Variants in GPR85 observed in about 807,000 individuals in gnomAD.
GPR85 encodes probable G protein-coupled receptor 85.
Under a neutral mutation model 21.3 loss-of-function variants are expected in GPR85, and 7 were observed. The observed-to-expected ratio is 0.33, with a 90% CI of 0.19 to 0.62. The LOEUF (loss-of-function observed/expected upper bound fraction) is 0.62, where lower values mean the gene tolerates loss of function less well. Among genes scored for constraint, GPR85 ranks in the 20% least tolerant of loss-of-function variants. The pLI, the probability that GPR85 is intolerant of heterozygous loss-of-function variation, is 0.80. For missense variants in GPR85, 299 were observed against 443.8 expected (o/e 0.67, Z 2.93); for synonymous variants, 167 against 166.1 (o/e 1.01, Z -0.04).
chr7:113,083,713 A>C lies in GPR85; in HGVS notation c.1009T>G (p.Phe337Val). 6.2e-7 allele frequency: 1 copy of C among 1,614,200 alleles called. No individual in the cohort carries two copies. The highest frequency in any genetic ancestry group is 2.2e-5 in the East Asian group (1 of 44,874). ...MSFAQAGINP[F>V]VCIFSNRELR... The stretch of plus-strand genomic sequence containing the variant: ...TCCCTGTTTGAGAAAATGCAGACAA[A>C]AGGATTGATTCCTGCTTGGGCAAAA... Residue 337 changes from phenylalanine to valine, a missense_variant, in exon 3 of 3, where the codon TTT becomes GTT. Transcript: ENST00000424100. This position sits in a 1 kb window ranked among gnomAD's most constrained non-coding sequence, Gnocchi z 4.4.
chr7:113,086,838 T>C, upstream of GPR85, among the ~76,000 whole-genome samples: 1 of 152,158 alleles, frequency 6.6e-6, no homozygotes. Flanking sequence ...ACAGTGCCCG[T>C]GACGCCCGCC....
intron 2 of GPR85, 85 bp from the exon 3 acceptor site, chr7:113,084,976 T>G (rs1375315107): frequency 5.3e-6 from 2 of 374,310 alleles, no homozygotes; most frequent in African/African-American, 4.2e-5. Context: ...TGTTCACTTA[T>G]GGGGAAGCAA....
At chr7:113,085,861 C>T (rs1794258217) in intron 2 of GPR85, 131 bp downstream of exon 2, 1 of 152,392 alleles carries the variant, frequency 6.6e-6, no homozygotes, top group East Asian at 1.9e-4. Flanking sequence ...TTTAATTTCC[C>T]CACCGGTACA....
In GPR85 at chr7:113,083,605, T is replaced by G; in HGVS notation, c.*4A>C. The G allele has an allele frequency of 6.2e-7, 1 of 1,605,442 alleles. No homozygotes were observed. The highest frequency in any genetic ancestry group is 1.1e-5 in the South Asian group (1 of 89,622). On this transcript the variant is annotated 3_prime_UTR_variant, in exon 3 of 3. Transcript: ENST00000424100. The surrounding 1 kb of genome is among the most constrained non-coding windows in gnomAD (Gnocchi z 4.4). ...CACAAGGCTAAAGATTTACAGATGCTCCCTCATATAACACAGTAAGGTTCC... is the reference window on the plus strand; with the variant it reads ...CACAAGGCTAAAGATTTACAGATGCGCCCTCATATAACACAGTAAGGTTCC...
Position 113,083,579 on chromosome 7 carries a change from T to C in GPR85, c.*30A>G. ...ATTGCTCAGCAGAGAAGGTTAGTTTTCACAAGGCTAAAGATTTACAGATGC... is the reference window on the plus strand; with the variant it reads ...ATTGCTCAGCAGAGAAGGTTAGTTTCCACAAGGCTAAAGATTTACAGATGC... On this transcript the variant is annotated 3_prime_UTR_variant, in exon 3 of 3. Transcript: ENST00000424100. This position sits in a 1 kb window ranked among gnomAD's most constrained non-coding sequence, Gnocchi z 4.4. 6.3e-7 allele frequency: 1 copy of C among 1,575,244 alleles called. No individual in the cohort carries two copies. The highest frequency in any genetic ancestry group is 8.6e-7 in the Non-Finnish European group (1 of 1,161,142).
Position 113,083,452 on chromosome 7 carries a change from A to G in GPR85, c.*157T>C. On this transcript the variant is annotated 3_prime_UTR_variant, in exon 3 of 3. Coordinates refer to ENST00000424100, the MANE Select transcript of GPR85 (RefSeq NM_001146267.2). This position sits in a 1 kb window ranked among gnomAD's most constrained non-coding sequence, Gnocchi z 4.4. Reference sequence around the variant, plus strand: ...GGATCACTCTGAGATTTAAAATAGGATTATAGGTGAACTATTGCAAAGACT... The same window carrying G: ...GGATCACTCTGAGATTTAAAATAGGGTTATAGGTGAACTATTGCAAAGACT... The G allele has an allele frequency of 1.4e-6, 1 of 695,672 alleles. No homozygotes were observed. The highest frequency in any genetic ancestry group is 2.5e-5 in the East Asian group (1 of 39,490). 43.1% of individuals were successfully genotyped at this position (695,672 alleles called of 1,614,324 possible). A position where few individuals can be genotyped will look rare whatever the true frequency, so the allele number is the denominator to read the frequency against.
Position 113,084,728 on chromosome 7 carries a change from A to T in GPR85, c.-7T>A. 3 of 1,605,188 alleles carry T rather than the reference A, an allele frequency of 1.9e-6. No homozygotes were observed. Among genetic ancestry groups the T allele is most frequent in the Non-Finnish European group, 2.6e-6 (3 of 1,174,380 alleles). On this transcript the variant is annotated 5_prime_UTR_variant, in exon 3 of 3. Transcript: ENST00000424100. The stretch of plus-strand genomic sequence containing the variant: ...CATGGCTATAGTTCGCCATAGATGG[A>T]TGGAGGATAAGGATACAGCCTCAGT...
intron 1 of GPR85, 69 bp downstream of exon 1, chr7:113,086,253 C>A: frequency 6.5e-6 from 1 of 153,416 alleles, no homozygotes; most frequent in Non-Finnish European, 1.4e-5. Flanking sequence ...TCTCGGTGAA[C>A]CTGCAGTTTC....
At position 113,084,616 on chromosome 7, in the gene GPR85, C is replaced by A. The variant is rs752038741; in HGVS notation, c.106G>T (p.Val36Leu). The part of the protein sequence containing the change: ...SLGFIIGVSV[V>L]GNLLISILLV... ...AAAATGGAGATCAGGAGGTTGCCCA[C>A]CACGCTGACTCCTATTATGAAACCC... The change falls in exon 3 of 3, where the codon GTG becomes TTG. Residue 36 changes from valine (V) to leucine (L), a missense_variant. Val to Leu is a conservative substitution (Grantham distance 32). Around this residue, in one of 2 missense-constraint regions of GPR85, gnomAD observed 101 missense variants for 108.4 expected, o/e 0.93. Coordinates refer to ENST00000424100, the MANE Select transcript of GPR85 (RefSeq NM_001146267.2). 31 of 1,613,546 alleles carry A rather than the reference C, an allele frequency of 1.9e-5. No homozygotes were observed. In the South Asian group the frequency reaches 3.4e-4, roughly 18 times the overall value.
rs1372142541 is a variant in GPR85 at position 113,082,865 on chromosome 7, A to AC, written c.*743dup. 6.6e-6 allele frequency: 1 copy of AC among 152,498 alleles called. No individual in the cohort carries two copies. Among genetic ancestry groups the AC allele is most frequent in the Non-Finnish European group, 1.5e-5 (1 of 67,992 alleles). 9.4% of individuals were successfully genotyped at this position (152,498 alleles called of 1,614,324 possible). On this transcript the variant is annotated 3_prime_UTR_variant, in exon 3 of 3. Transcript: ENST00000424100. Reference sequence around the variant, plus strand: ...TGGTACCATTAATGTTGCCTCCCAGACCAATATCTAGCATTTGTAAAATAT... The same window carrying AC: ...TGGTACCATTAATGTTGCCTCCCAGACCCAATATCTAGCATTTGTAAAATAT...
chr7:113,086,406 T>TTTTG lies in GPR85; in HGVS notation c.-374_-373insCAAA, dbSNP rs1562996797. 3.0e-4 allele frequency: 29 copies of TTTTG among 95,666 alleles called. No homozygotes were observed. The highest frequency in any genetic ancestry group is 1.2e-3 in the African/African-American group (26 of 22,594). The allele number at this position is 95,666 out of a possible 1,614,324, so 5.9% of individuals were successfully genotyped here. On this transcript the variant is annotated 5_prime_UTR_variant, in exon 1 of 3. The change creates a premature stop within an existing upstream ORF in the 5' untranslated region. Transcript: ENST00000424100. ...TCTTTTTTTCTTTTTCTTTTTTTTT[T>TTTTG]TTTTTTTTTTGTTTTTTGTTTTTTT...
In GPR85 at chr7:113,086,516, A is replaced by C. The variant is rs1489554002; in HGVS notation, c.-483T>G. On this transcript the variant is annotated 5_prime_UTR_variant, in exon 1 of 3. Coordinates refer to ENST00000424100, the MANE Select transcript of GPR85 (RefSeq NM_001146267.2). ...GCGCGCTGGAGCCTCCTTGAGCTCC[A>C]GCCGCGTCCTCCCCTGTCGCAGCGG... The C allele has an allele frequency of 2.4e-5, 3 of 126,192 alleles. No homozygotes were observed. The highest frequency in any genetic ancestry group is 9.2e-5 in the African/African-American group (3 of 32,552). The allele number at this position is 126,192 out of a possible 1,614,324, so 7.8% of individuals were successfully genotyped here.
chr7:113,084,172 A>C lies in GPR85; in HGVS notation c.550T>G (p.Ser184Ala). ...GCAAGAAGCAGCATAAATCCTAAGG[A>C]ATCATTAGCCCTGAAGGAGCGGTGT... is the stretch of plus-strand genomic sequence containing the variant. ...FQHRSFRAND[S>A]LGFMLLLALI... Residue 184 changes from serine (S) to alanine (A), a missense_variant, in exon 3 of 3, where the codon TCC (serine) becomes GCC (alanine). Around this residue, in one of 2 missense-constraint regions of GPR85, gnomAD observed 198 missense variants for 335.4 expected, o/e 0.59. Coordinates refer to ENST00000424100, the MANE Select transcript of GPR85 (RefSeq NM_001146267.2). 5 of 1,614,110 alleles carry C rather than the reference A, an allele frequency of 3.1e-6. No homozygotes were observed. The highest frequency in any genetic ancestry group is 1.1e-5 in the South Asian group (1 of 91,088).
rs1794289188 is a variant in GPR85, at chr7:113,086,402, T to TTTTTTTTTTTTG, written c.-370_-369insCAAAAAAAAAAA. 4 of 91,278 alleles carry TTTTTTTTTTTTG rather than the reference T, an allele frequency of 4.4e-5. No homozygotes were observed. Among genetic ancestry groups the TTTTTTTTTTTTG allele is most frequent in the Admixed American group, 2.5e-4 (2 of 8,112 alleles). 5.7% of individuals were successfully genotyped at this position (91,278 alleles called of 1,614,324 possible). On this transcript the variant is annotated 5_prime_UTR_variant, in exon 1 of 3. Coordinates refer to ENST00000424100, the MANE Select transcript of GPR85 (RefSeq NM_001146267.2). ...TTTTTCTTTTTTTCTTTTTCTTTTT[T>TTTTTTTTTTTTG]TTTTTTTTTTTTTTGTTTTTTGTTT...
intron 2 of GPR85, among the ~76,000 whole-genome samples, chr7:113,085,323 G>A (rs536834599): frequency 3.9e-5 from 6 of 152,314 alleles, no homozygotes; most frequent in East Asian, 1.9e-4. Context: ...CAAAGAACCC[G>A]TGCAAAATAT....
chr7:113,085,821 G>A (rs776152720), intron 2 of GPR85, among the ~76,000 whole-genome samples, 171 bp downstream of exon 2: 1 of 152,134 alleles, frequency 6.6e-6, no homozygotes, highest in Non-Finnish European at 1.5e-5. Flanking sequence ...ATATGCTGGT[G>A]GAAGCCCAGG....
rs1794302335 is a variant in GPR85, at chr7:113,086,431, T to TTTTTTTTTTG, written c.-399_-398insCAAAAAAAAA. 2.8e-5 allele frequency: 3 copies of TTTTTTTTTTG among 108,236 alleles called. No individual in the cohort carries two copies. The highest frequency in any genetic ancestry group is 1.1e-4 in the African/African-American group (3 of 27,650). The allele number at this position is 108,236 out of a possible 1,614,324, so 6.7% of individuals were successfully genotyped here. On this transcript the variant is annotated 5_prime_UTR_variant, in exon 1 of 3. It introduces an in-frame stop codon into an upstream open reading frame of the 5' UTR. Coordinates refer to ENST00000424100, the MANE Select transcript of GPR85 (RefSeq NM_001146267.2). ...TTTTTTTTTTTGTTTTTTGTTTTTT[T>TTTTTTTTTTG]TTTTTTTTTTTTTGCCTTAGTGCCT...
rs1204965127 is a variant in GPR85, at chr7:113,083,705, G to A, written c.1017C>T (p.Cys339=). ...GCCTCAGCTCCCTGTTTGAGAAAATGCAGACAAAAGGATTGATTCCTGCTT... is the reference window on the plus strand; with the variant it reads ...GCCTCAGCTCCCTGTTTGAGAAAATACAGACAAAAGGATTGATTCCTGCTT... ...FAQAGINPFV[C]IFSNRELRRC... Residue 339 remains cysteine (C), a synonymous_variant, in exon 3 of 3, where the codon TGC becomes TGT. Transcript: ENST00000424100. This position sits in a 1 kb window ranked among gnomAD's most constrained non-coding sequence, Gnocchi z 4.4. 2 of 1,614,176 alleles carry A rather than the reference G, an allele frequency of 1.2e-6. No individual in the cohort carries two copies. The highest frequency in any genetic ancestry group is 3.3e-5 in the Admixed American group (2 of 60,028).
chr7:113,086,325 T>G lies in GPR85; in HGVS notation c.-292A>C, dbSNP rs1019787621. The G allele has an allele frequency of 6.7e-6, 1 of 149,704 alleles. No homozygotes were observed. Among genetic ancestry groups the G allele is most frequent in the Non-Finnish European group, 1.5e-5 (1 of 67,456 alleles). 9.3% of individuals were successfully genotyped at this position (149,704 alleles called of 1,614,324 possible). A position where few individuals can be genotyped will look rare whatever the true frequency, so the allele number is the denominator to read the frequency against. On this transcript the variant is annotated 5_prime_UTR_variant, in exon 1 of 3. Transcript: ENST00000424100. ...AACCAAGAGTATATCCTCCTACCTG[T>G]TGGTGTTGGATATCCCGACAGACTA...
Sources: allele counts gnomAD v4.1 joint callset (sites outside exome capture counted in the v4.1 genomes callset), GRCh38; gene constraint gnomAD v4.1.1; regional missense constraint gnomAD v4.1.1; non-coding constraint Gnocchi (gnomAD v3.1); transcripts MANE v1.5; gene names NCBI Gene and HGNC (gene_info 2026-07-23, HGNC 2026-07-21).